Variants in RORA observed in about 807,000 individuals in gnomAD.
The protein encoded by RORA is nuclear receptor ROR-alpha.
A neutral mutation model predicts 69.5 loss-of-function variants in RORA; 7 were observed. The ratio of observed to expected loss-of-function variants is 0.10; its 90% CI spans 0.06 to 0.19. The LOEUF is 0.19. Among genes scored for constraint, RORA ranks in the 10% least tolerant of loss-of-function variants. The pLI is 1.00. For missense variants in RORA, 457 were observed against 663.0 expected, an observed-to-expected ratio of 0.69 and a Z score of 3.41; for synonymous variants, 261 against 240.8, an observed-to-expected ratio of 1.08 and a Z score of -0.78.
At chr15:60,941,980 T>G (rs2140323953) in intron 1 of RORA, among the ~76,000 whole-genome samples, 1 of 152,344 alleles carries the variant, frequency 6.6e-6, no homozygotes, top group East Asian at 1.9e-4. Context: ...CAGGCAAATC[T>G]CCTATGCATA....
intron 1 of RORA, among the ~76,000 whole-genome samples, chr15:60,807,994 C>G: frequency 6.6e-6 from 1 of 152,118 alleles, no homozygotes; most frequent in East Asian, 1.9e-4. Flanking sequence ...ATCAGAAAAA[C>G]CCTTCTAGAC....
In RORA at chr15:60,881,078, C is replaced by T. The variant is rs191020022; in HGVS notation, c.167-202392G>A. ...AATTAGAAGTGAGATGAAAACAATGCTCTGTACTCTGCCTTTTCCACACTG... is the reference window on the plus strand; with the variant it reads ...AATTAGAAGTGAGATGAAAACAATGTTCTGTACTCTGCCTTTTCCACACTG... On this transcript the variant is annotated intron_variant, in intron 1 of 10. Transcript: ENST00000335670. 2.2e-4 allele frequency among the ~76,000 whole-genome samples: 33 copies of T among 152,362 alleles called. No individual in the cohort carries two copies. The East Asian group carries it at 3.3e-3, about 15-fold the overall frequency.
At chr15:60,577,442 G>A (rs1400816968) in intron 2 of RORA, among the ~76,000 whole-genome samples, 3 of 152,008 alleles carry the variant, frequency 2.0e-5, no homozygotes, top group Non-Finnish European at 4.4e-5. Flanking sequence ...TCAGGAGTTC[G>A]AGACCAGCCT....
At chr15:61,228,077 C>A (rs1349216400) in intron 1 of RORA, among the ~76,000 whole-genome samples, 2 of 146,592 alleles carry the variant, frequency 1.4e-5, no homozygotes, top group Non-Finnish European at 3.0e-5. Flanking sequence ...GAGTAAAAAT[C>A]GCCAGGGGAG....
chr15:60,527,877 C>T (rs781378914), intron 3 of RORA, among the ~76,000 whole-genome samples: 8 of 152,130 alleles, frequency 5.3e-5, no homozygotes, highest in Non-Finnish European at 1.2e-4. Context: ...TTTTTCTGGG[C>T]TTTTGCCTCT....
intron 2 of RORA, among the ~76,000 whole-genome samples, chr15:60,546,715 C>T (rs368146430): frequency 1.3e-5 from 2 of 152,182 alleles, no homozygotes; most frequent in South Asian, 2.1e-4. Flanking sequence ...CCCGAGTTTG[C>T]GTAACAGAGG....
rs375767883 is a variant in RORA, at chr15:60,494,510, A to G, written c.*2945T>C. ...TCACCCAAGTATTTTATGTCATCAC[A>G]TAGGTGTTTTTGTAATAATGAAGAA... is the stretch of plus-strand genomic sequence containing the variant. On this transcript the variant is annotated 3_prime_UTR_variant, in exon 11 of 11. Transcript: ENST00000335670. 2 of 152,370 alleles carry G rather than the reference A, an allele frequency of 1.3e-5. No homozygotes were observed. Among genetic ancestry groups the G allele is most frequent in the South Asian group, 4.1e-4 (2 of 4,830 alleles). 9.4% of individuals were successfully genotyped at this position (152,370 alleles called of 1,614,324 possible).
intron 1 of RORA, among the ~76,000 whole-genome samples, chr15:60,911,730 C>T (rs1383885999): frequency 4.9e-5 from 7 of 144,198 alleles, no homozygotes; most frequent in African/African-American, 1.3e-4. Context: ...GAAACAGTCT[C>T]GCACTGTCCC....
chr15:60,674,075 C>T, intron 2 of RORA, among the ~76,000 whole-genome samples: 1 of 152,198 alleles, frequency 6.6e-6, no homozygotes, highest in East Asian at 1.9e-4. Context: ...CACATCTGTC[C>T]TAATGGAACA....
chr15:60,825,874 G>A (rs1357868518), intron 1 of RORA, among the ~76,000 whole-genome samples: 1 of 152,206 alleles, frequency 6.6e-6, no homozygotes, highest in Non-Finnish European at 1.5e-5. Context: ...AACATGAAGA[G>A]TATCCTTACT....
At chr15:60,998,894 G>A (rs1223544608) in intron 1 of RORA, among the ~76,000 whole-genome samples, 4 of 152,154 alleles carry the variant, frequency 2.6e-5, no homozygotes, top group Non-Finnish European at 4.4e-5. Context: ...AACTGACAAG[G>A]AACAGCCATA....
chr15:61,071,820 T>C (rs2078370004), intron 1 of RORA, among the ~76,000 whole-genome samples: 2 of 152,038 alleles, frequency 1.3e-5, no homozygotes, highest in Admixed American at 1.3e-4. Context: ...TGTTACTAAA[T>C]ACTGTTCTCC....
intron 1 of RORA, among the ~76,000 whole-genome samples, chr15:60,852,694 G>T (rs1469973162): frequency 6.6e-6 from 1 of 152,206 alleles, no homozygotes; most frequent in Non-Finnish European, 1.5e-5. Context: ...GGCTCAAGCT[G>T]TCTGCAGCCT....
intron 1 of RORA, among the ~76,000 whole-genome samples, chr15:60,817,061 T>C (rs2072828054): frequency 6.6e-6 from 1 of 152,246 alleles, no homozygotes; most frequent in Non-Finnish European, 1.5e-5. Flanking sequence ...ATGTGGTGGT[T>C]ATGATACACG....
intron 1 of RORA, among the ~76,000 whole-genome samples, chr15:60,684,300 G>GA (rs1388847727): frequency 1.3e-5 from 2 of 151,938 alleles, no homozygotes. Context: ...TTATAAACAT[G>GA]AAAAAATTCT....
intron 1 of RORA, among the ~76,000 whole-genome samples, chr15:60,856,182 A>G (rs1039566550): frequency 6.6e-6 from 1 of 152,228 alleles, no homozygotes; most frequent in African/African-American, 2.4e-5. Context: ...GTGGAAAAGG[A>G]AAAGTTAAAA....
In RORA at chr15:60,874,648, T is replaced by C. The variant is rs558939793; in HGVS notation, c.167-195962A>G. On this transcript the variant is annotated intron_variant, in intron 1 of 10. Transcript: ENST00000335670. The stretch of plus-strand genomic sequence containing the variant: ...CTATTCCAGCGTATAAAATTTCTTC[T>C]TAATCACCAAAACTAAGTAGGGGTA... Among the ~76,000 whole-genome samples the C allele has an allele frequency of 7.2e-5, 11 of 152,230 alleles. No homozygotes were observed. In the East Asian group the frequency reaches 1.7e-3, roughly 24 times the overall value.
chr15:60,617,610 A>G (rs920755519), intron 2 of RORA, among the ~76,000 whole-genome samples: 2 of 151,176 alleles, frequency 1.3e-5, no homozygotes, highest in African/African-American at 2.4e-5. Flanking sequence ...AGGAAGGAAG[A>G]AAGAGTAAAG....
At chr15:60,819,793 A>ACACACACACACACACACACACACACACC (rs2072869837) in intron 1 of RORA, among the ~76,000 whole-genome samples, 1 of 142,686 alleles carries the variant, frequency 7.0e-6, no homozygotes, top group African/African-American at 2.6e-5. Flanking sequence ...ACACACACAC[A>ACACACACACACACACACACACACACACC]CGGGTTGCTT....
Sources: allele counts gnomAD v4.1 joint callset (sites outside exome capture counted in the v4.1 genomes callset), GRCh38; gene constraint gnomAD v4.1.1; transcripts MANE v1.5; gene names NCBI Gene and HGNC (gene_info 2026-07-23, HGNC 2026-07-21).